PTPN9: variants seen among roughly 807,000 people sequenced by gnomAD.
PTPN9 encodes the protein tyrosine-protein phosphatase non-receptor type 9.
A neutral mutation model predicts 69.8 loss-of-function variants in PTPN9; 26 were observed. The ratio of observed to expected loss-of-function variants is 0.37; its 90% CI spans 0.27 to 0.52. The LOEUF is 0.52. PTPN9 is among the 20% of genes least tolerant of loss of function. PTPN9 has a pLI of 0.91. For missense variants in PTPN9, 549 were observed against 740.3 expected, an observed-to-expected ratio of 0.74 and a Z score of 3.00; for synonymous variants, 274 against 272.5, an observed-to-expected ratio of 1.01 and a Z score of -0.05.
At chr15:75,531,994 A>T (rs986447899) in intron 1 of PTPN9, among the ~76,000 whole-genome samples, 3 of 152,216 alleles carry the variant, frequency 2.0e-5, no homozygotes, top group Admixed American at 6.5e-5. Flanking sequence ...CTGGGTATAC[A>T]ATTTCTAATA....
intron 3 of PTPN9, among the ~76,000 whole-genome samples, chr15:75,523,921 T>C (rs2074915618): frequency 1.3e-5 from 2 of 151,872 alleles, no homozygotes; most frequent in South Asian, 4.2e-4. Flanking sequence ...GGAGACTCTC[T>C]AGATTCAGGA....
chr15:75,561,721 T>A (rs2075104789), intron 1 of PTPN9, among the ~76,000 whole-genome samples: 1 of 151,906 alleles, frequency 6.6e-6, no homozygotes, highest in Non-Finnish European at 1.5e-5. Flanking sequence ...TTTATTACTT[T>A]TATTTGAGAA....
chr15:75,523,320 G>C, intron 3 of PTPN9, 75 bp from the exon 4 acceptor site: 2 of 1,486,656 alleles, frequency 1.3e-6, no homozygotes, highest in Admixed American at 4.2e-5. Context: ...TTATATACTG[G>C]ATAAGGGTTT....
At chr15:75,565,510 C>T (rs2075122986) in intron 1 of PTPN9, among the ~76,000 whole-genome samples, 1 of 152,094 alleles carries the variant, frequency 6.6e-6, no homozygotes, top group Non-Finnish European at 1.5e-5. Context: ...TAGCAGCATT[C>T]CTGACCTCTA....
At chr15:75,572,716 GAAAA>G (rs1047790832) in intron 1 of PTPN9, among the ~76,000 whole-genome samples, 10 of 151,542 alleles carry the variant, frequency 6.6e-5, no homozygotes, top group Non-Finnish European at 1.2e-4. Context: ...CAAAAAAAAA[GAAAA>G]AAAGAAAGAA....
At chr15:75,477,881 C>G (rs2074605443) in intron 9 of PTPN9, among the ~76,000 whole-genome samples, 1 of 145,284 alleles carries the variant, frequency 6.9e-6, no homozygotes. Context: ...TCCTCTGTCG[C>G]CCAGGCTGGA....
At chr15:75,485,121 C>A (rs1028406236) in intron 8 of PTPN9, among the ~76,000 whole-genome samples, 2 of 152,118 alleles carry the variant, frequency 1.3e-5, no homozygotes, top group Non-Finnish European at 2.9e-5. Context: ...CTGCAGCAGA[C>A]CCAGCATGCT....
intron 1 of PTPN9, among the ~76,000 whole-genome samples, chr15:75,545,956 G>C (rs1021353744): frequency 6.6e-6 from 1 of 152,026 alleles, no homozygotes; most frequent in Non-Finnish European, 1.5e-5. Flanking sequence ...TGAAAAAATA[G>C]ATTAAAGTAA....
chr15:75,578,809 C>T lies in PTPN9; in HGVS notation c.-33G>A. On this transcript the variant is annotated 5_prime_UTR_variant, in exon 1 of 13. Coordinates refer to ENST00000618819, the MANE Select transcript of PTPN9 (RefSeq NM_002833.4). ...CCACCGCCGCCGGGCGGACAAAACT[C>T]GCTCGCGAGCGCGGGAGCCCGGCGC... is the stretch of plus-strand genomic sequence containing the variant. The T allele has an allele frequency of 2.5e-6, 3 of 1,207,866 alleles. No homozygotes were observed. The highest frequency in any genetic ancestry group is 3.1e-6 in the Non-Finnish European group (3 of 971,476). The allele number at this position is 1,207,866 out of a possible 1,614,324, so 74.8% of individuals were successfully genotyped here.
intron 5 of PTPN9, among the ~76,000 whole-genome samples, chr15:75,511,454 C>T (rs949848735): frequency 2.6e-5 from 4 of 152,136 alleles, no homozygotes; most frequent in Non-Finnish European, 5.9e-5. Flanking sequence ...TCGTGTTGCC[C>T]AGGCTGGTTT....
chr15:75,556,906 T>C (rs867978393), intron 1 of PTPN9, among the ~76,000 whole-genome samples: 19 of 152,284 alleles, frequency 1.2e-4, no homozygotes, highest in Middle Eastern at 6.8e-3. Context: ...TCCCTATGAA[T>C]GTACCTATTG....
At chr15:75,510,710 T>TA (rs2141313925) in intron 5 of PTPN9, among the ~76,000 whole-genome samples, 1 of 152,340 alleles carries the variant, frequency 6.6e-6, no homozygotes, top group South Asian at 2.1e-4. Context: ...TTTGGTTTTT[T>TA]ATTGTAAAAT....
chr15:75,556,823 CA>C (rs1414064902), intron 1 of PTPN9, among the ~76,000 whole-genome samples: 1 of 152,162 alleles, frequency 6.6e-6, no homozygotes, highest in African/African-American at 2.4e-5. Flanking sequence ...TCATACCCAG[CA>C]AAAACTCTGT....
chr15:75,487,007 G>A (rs997792262), intron 8 of PTPN9, among the ~76,000 whole-genome samples: 10 of 151,838 alleles, frequency 6.6e-5, no homozygotes, highest in Middle Eastern at 3.4e-3. Flanking sequence ...GGATGGTCTC[G>A]ATCTCCTGAC....
At chr15:75,517,107 G>C in intron 5 of PTPN9, 152 bp downstream of exon 5, 2 of 552,410 alleles carry the variant, frequency 3.6e-6, no homozygotes, top group Non-Finnish European at 6.2e-6. Flanking sequence ...TTGTTCTAAG[G>C]AAGCAGAGAG....
intron 8 of PTPN9, among the ~76,000 whole-genome samples, chr15:75,488,927 G>C (rs2074693898): frequency 6.6e-6 from 1 of 152,108 alleles, no homozygotes; most frequent in Non-Finnish European, 1.5e-5. Flanking sequence ...TGTAATCCCA[G>C]CACTTTGGGA....
chr15:75,558,775 C>A (rs1287017233), intron 1 of PTPN9, among the ~76,000 whole-genome samples: 2 of 152,206 alleles, frequency 1.3e-5, no homozygotes, highest in Non-Finnish European at 1.5e-5. Flanking sequence ...GAGTGATCTG[C>A]CAGCCTCGGC....
intron 8 of PTPN9, among the ~76,000 whole-genome samples, chr15:75,489,103 AGGTGGAGCTTGC>A (rs1014286169): frequency 7.5e-6 from 1 of 133,828 alleles, no homozygotes; most frequent in Non-Finnish European, 1.5e-5. Context: ...TGAACCTGGG[AGGTGGAGCTTGC>A]GGTGAGCCAA....
intron 10 of PTPN9, 81 bp from the exon 11 acceptor site, chr15:75,470,911 C>A (rs548755537): frequency 4.0e-6 from 6 of 1,507,652 alleles, no homozygotes; most frequent in South Asian, 1.2e-5. Flanking sequence ...ACCTGATATA[C>A]CCCCAGGCAG....
Sources: gnomAD v4.1 joint callset for allele counts (sites outside exome capture counted in the v4.1 genomes callset) on GRCh38, gnomAD v4.1.1 for gene constraint, MANE v1.5 for transcripts, NCBI Gene and HGNC (gene_info 2026-07-23, HGNC 2026-07-21) for gene names.